The following ADAMTS16 variants were observed in gnomAD, a reference collection of about 807,000 sequenced individuals.
ADAMTS16 encodes the protein A disintegrin and metalloproteinase with thrombospondin motifs 16.
Under a neutral mutation model 145.8 loss-of-function variants are expected in ADAMTS16, and 94 were observed. The observed-to-expected ratio is 0.64, with a 90% CI of 0.55 to 0.77. The LOEUF is 0.77. ADAMTS16 is among the 30% of genes least tolerant of loss of function. ADAMTS16 has a pLI of 0.00. For missense variants in ADAMTS16, 1,585 were observed against 1,591.5 expected, an observed-to-expected ratio of 1.00 and a Z score of 0.07; for synonymous variants, 659 against 604.3, an observed-to-expected ratio of 1.09 and a Z score of -1.33.
chr5:5,182,372 G>C, intron 4 of ADAMTS16, 67 bp downstream of exon 4: 1 of 1,545,772 alleles, frequency 6.5e-7, no homozygotes, highest in South Asian at 1.2e-5. Context: ...ATGGAAGCTT[G>C]TACATTTTCT....
At chr5:5,218,658 C>G (rs1736504289) in intron 10 of ADAMTS16, among the ~76,000 whole-genome samples, 1 of 152,174 alleles carries the variant, frequency 6.6e-6, no homozygotes, top group Non-Finnish European at 1.5e-5. Context: ...CTGGGTCACC[C>G]CTGTGGCCTC....
intron 9 of ADAMTS16, among the ~76,000 whole-genome samples, chr5:5,201,348 TA>T (rs1340081408): frequency 6.6e-6 from 1 of 151,746 alleles, no homozygotes; most frequent in East Asian, 1.9e-4. Context: ...GAAAAGTAAA[TA>T]AAAATATTTT....
chr5:5,227,634 A>T (rs1380416781), intron 11 of ADAMTS16, among the ~76,000 whole-genome samples: 1 of 152,028 alleles, frequency 6.6e-6, no homozygotes. Flanking sequence ...TTTTGTTTTA[A>T]TACTTTTTAA....
intron 18 of ADAMTS16, among the ~76,000 whole-genome samples, chr5:5,285,759 T>C (rs1739080221): frequency 6.6e-6 from 1 of 152,222 alleles, no homozygotes; most frequent in African/African-American, 2.4e-5. Context: ...GATTTTTCAA[T>C]GTCTGTTCAA....
At chr5:5,307,934 G>A (rs1352209508) in intron 21 of ADAMTS16, among the ~76,000 whole-genome samples, 1 of 152,166 alleles carries the variant, frequency 6.6e-6, no homozygotes, top group Non-Finnish European at 1.5e-5. Context: ...TGCATTTCCT[G>A]GGCGAGGGCA....
chr5:5,251,217 C>T (rs767291441), intron 17 of ADAMTS16, among the ~76,000 whole-genome samples: 2 of 152,164 alleles, frequency 1.3e-5, no homozygotes, highest in Non-Finnish European at 2.9e-5. Flanking sequence ...TGCACCCATT[C>T]GGTCTCTCCC....
chr5:5,280,338 G>A (rs16875213), intron 18 of ADAMTS16, among the ~76,000 whole-genome samples: 14,842 of 152,148 alleles, frequency 0.098, 930 homozygotes, highest in African/African-American at 0.16. Flanking sequence ...ATCCTGTGGC[G>A]GAGTGAAGGA....
At chr5:5,313,796 A>G (rs934721228) in intron 21 of ADAMTS16, among the ~76,000 whole-genome samples, 6 of 152,264 alleles carry the variant, frequency 3.9e-5, no homozygotes, top group Non-Finnish European at 7.3e-5. Context: ...ACGCAAACAC[A>G]CACAGAGTGC....
At chr5:5,219,370 C>G (rs1267389486) in intron 10 of ADAMTS16, among the ~76,000 whole-genome samples, 5 of 152,168 alleles carry the variant, frequency 3.3e-5, no homozygotes, top group African/African-American at 4.8e-5. Flanking sequence ...TTAACCAACT[C>G]CTCTTTATTC....
At chr5:5,225,111 T>G (rs1255986542) in intron 11 of ADAMTS16, among the ~76,000 whole-genome samples, 3 of 152,244 alleles carry the variant, frequency 2.0e-5, no homozygotes, top group Non-Finnish European at 1.5e-5. Context: ...TAAAGTTCTG[T>G]CCAGGGTCAC....
intron 18 of ADAMTS16, among the ~76,000 whole-genome samples, chr5:5,286,707 A>C (rs1364245643): frequency 6.6e-6 from 1 of 151,666 alleles, no homozygotes; most frequent in Non-Finnish European, 1.5e-5. Context: ...AAATACAAAA[A>C]ATTACCCAGG....
chr5:5,241,975 G>T, intron 16 of ADAMTS16, 78 bp from the exon 17 acceptor site: 1 of 1,487,954 alleles, frequency 6.7e-7, no homozygotes, highest in Non-Finnish European at 9.2e-7. Flanking sequence ...ATTGTTTTAA[G>T]TAGTCTAAAT....
chr5:5,170,420 C>G (rs1735013385), intron 3 of ADAMTS16, among the ~76,000 whole-genome samples: 1 of 151,884 alleles, frequency 6.6e-6, no homozygotes, highest in South Asian at 2.1e-4. Context: ...ACTCTGTCAC[C>G]CAGGCTGGAG....
At chr5:5,237,147 C>T in intron 14 of ADAMTS16, 48 bp downstream of exon 14, 1 of 1,591,086 alleles carries the variant, frequency 6.3e-7, no homozygotes, top group Non-Finnish European at 8.6e-7. Flanking sequence ...GGACAGTCTG[C>T]TTTGTGTCAA....
intron 16 of ADAMTS16, 136 bp from the exon 17 acceptor site, chr5:5,241,917 T>C: frequency 3.8e-6 from 4 of 1,056,738 alleles, no homozygotes; most frequent in Admixed American, 5.4e-5. Flanking sequence ...GTTTGGATGA[T>C]AGTCTGAATG....
intron 8 of ADAMTS16, among the ~76,000 whole-genome samples, chr5:5,192,715 A>G (rs1252705327): frequency 6.6e-6 from 1 of 152,224 alleles, no homozygotes; most frequent in Non-Finnish European, 1.5e-5. Flanking sequence ...TTCACCTTAC[A>G]TGAAATGCTT....
chr5:5,185,126 C>T (rs1436196306), intron 4 of ADAMTS16, among the ~76,000 whole-genome samples: 3 of 152,150 alleles, frequency 2.0e-5, no homozygotes, highest in African/African-American at 7.2e-5. Flanking sequence ...CAAATGAGTG[C>T]TCAATAAACA....
intron 3 of ADAMTS16, among the ~76,000 whole-genome samples, chr5:5,150,518 C>T (rs1053816430): frequency 6.6e-6 from 1 of 152,228 alleles, no homozygotes; most frequent in Non-Finnish European, 1.5e-5. Flanking sequence ...AGAAAAGCAG[C>T]CCACCCTGGG....
chr5:5,205,344 A>G (rs1736071215), intron 9 of ADAMTS16, among the ~76,000 whole-genome samples: 1 of 151,882 alleles, frequency 6.6e-6, no homozygotes. Flanking sequence ...TACTTGTCCC[A>G]AAGTTGCAAA....
Sources: gnomAD v4.1 joint callset for allele counts (sites outside exome capture counted in the v4.1 genomes callset) on GRCh38, gnomAD v4.1.1 for gene constraint, MANE v1.5 for transcripts, NCBI Gene and HGNC (gene_info 2026-07-23, HGNC 2026-07-21) for gene names.